DGKB: variants seen among roughly 807,000 people sequenced by gnomAD.
The protein encoded by DGKB is diacylglycerol kinase beta.
In DGKB, 67 loss-of-function variants were observed where a neutral mutation model predicts 114.3. The ratio of observed to expected loss-of-function variants is 0.59; its 90% CI spans 0.48 to 0.72. The LOEUF is 0.72. DGKB is among the 30% of genes least tolerant of loss of function. The probability of loss-of-function intolerance (pLI) is 0.00; values close to 1 mark genes in which losing one functional copy is unlikely to be tolerated. For missense variants in DGKB, 907 were observed against 975.2 expected (o/e 0.93, Z 0.93); for synonymous variants, 398 against 323.1 (o/e 1.23, Z -2.49).
At chr7:14,896,305 T>C (rs75373445) in intron 1 of DGKB, among the ~76,000 whole-genome samples, 3 of 151,766 alleles carry the variant, frequency 2.0e-5, no homozygotes, top group African/African-American at 7.2e-5. Flanking sequence ...TGAGGATTAA[T>C]TGCATGCCAG....
chr7:14,957,517 G>T (rs939738874), intron 1 of DGKB, among the ~76,000 whole-genome samples: 1 of 151,974 alleles, frequency 6.6e-6, no homozygotes, highest in African/African-American at 2.4e-5. Flanking sequence ...ACAGAAGTGT[G>T]CCACAATCAG....
chr7:14,681,063 C>G (rs1170508115), intron 12 of DGKB, among the ~76,000 whole-genome samples: 1 of 151,446 alleles, frequency 6.6e-6, no homozygotes, highest in Non-Finnish European at 1.5e-5. Flanking sequence ...AGAGGAAGCT[C>G]CCTGCAAGGT....
chr7:14,804,324 G>C (rs542492349), intron 2 of DGKB, among the ~76,000 whole-genome samples: 3 of 151,274 alleles, frequency 2.0e-5, no homozygotes, highest in African/African-American at 7.3e-5. Flanking sequence ...TTCTCTAGTC[G>C]GTTTTAAGAT....
At chr7:14,926,859 T>C (rs1484607342) in intron 1 of DGKB, among the ~76,000 whole-genome samples, 1 of 152,002 alleles carries the variant, frequency 6.6e-6, no homozygotes, top group Non-Finnish European at 1.5e-5. Context: ...AAATTTACCA[T>C]GGAAATCCTT....
chr7:14,398,542 G>A lies in DGKB; in HGVS notation c.1836-53151C>T, dbSNP rs191681875. On this transcript the variant is annotated intron_variant, in intron 21 of 25. Transcript: ENST00000402815. ...CTTTTATAAAAAAGAAAACTTACTG[G>A]GATGTGTGAAGGCAAAATCTTGGAC... 9.9e-3 allele frequency among the ~76,000 whole-genome samples: 1,509 copies of A among 152,022 alleles called. 12 individuals are homozygous for A. Among genetic ancestry groups the A allele is most frequent in the Non-Finnish European group, 0.013 (906 of 67,914 alleles).
At chr7:14,431,530 A>T (rs1828446233) in intron 21 of DGKB, among the ~76,000 whole-genome samples, 1 of 152,164 alleles carries the variant, frequency 6.6e-6, no homozygotes, top group South Asian at 2.1e-4. Context: ...CCAAAGAAAC[A>T]ATTTAGTAGC....
At chr7:14,217,935 A>C (rs2128318201) in intron 23 of DGKB, among the ~76,000 whole-genome samples, 1 of 152,248 alleles carries the variant, frequency 6.6e-6, no homozygotes, top group Non-Finnish European at 1.5e-5. Flanking sequence ...CTTTTGTAAT[A>C]ATAAATACCT....
chr7:14,302,511 GC>G (rs1347262625), intron 23 of DGKB, among the ~76,000 whole-genome samples: 1 of 151,964 alleles, frequency 6.6e-6, no homozygotes, highest in Non-Finnish European at 1.5e-5. Flanking sequence ...GAAACAGCCT[GC>G]CCCCGGCCCC....
chr7:14,230,882 C>A (rs552329271), intron 23 of DGKB, among the ~76,000 whole-genome samples: 1 of 151,944 alleles, frequency 6.6e-6, no homozygotes, highest in Non-Finnish European at 1.5e-5. Flanking sequence ...CCTCTCCTAC[C>A]GGATGAGATG....
At chr7:14,928,407 C>A (rs1192700600) in intron 1 of DGKB, among the ~76,000 whole-genome samples, 1 of 151,932 alleles carries the variant, frequency 6.6e-6, no homozygotes, top group Admixed American at 6.6e-5. Flanking sequence ...CTTGTTTCCT[C>A]TGTTCACTCA....
chr7:14,690,499 T>C (rs1822638345), intron 9 of DGKB, among the ~76,000 whole-genome samples: 1 of 152,278 alleles, frequency 6.6e-6, no homozygotes, highest in Admixed American at 6.5e-5. Context: ...TTCTGTTTTT[T>C]AATCTGAGAA....
chr7:14,297,040 G>A (rs893461773), intron 23 of DGKB, among the ~76,000 whole-genome samples: 1 of 152,076 alleles, frequency 6.6e-6, no homozygotes, highest in Non-Finnish European at 1.5e-5. Context: ...TCAATAACAA[G>A]TTCTGAAATT....
At chr7:14,675,592 T>C (rs750967487) in intron 12 of DGKB, among the ~76,000 whole-genome samples, 20 of 151,632 alleles carry the variant, frequency 1.3e-4, no homozygotes, top group Non-Finnish European at 2.5e-4. Context: ...GAAATTCTGG[T>C]CTTTGCAGAG....
At chr7:14,672,584 T>A (rs1194394479) in intron 13 of DGKB, among the ~76,000 whole-genome samples, 1 of 152,012 alleles carries the variant, frequency 6.6e-6, no homozygotes, top group East Asian at 1.9e-4. Context: ...TCCAGCAAAA[T>A]TGCCCATAAG....
chr7:14,577,377 G>A (rs535597443), intron 19 of DGKB, among the ~76,000 whole-genome samples: 1 of 152,272 alleles, frequency 6.6e-6, no homozygotes, highest in Non-Finnish European at 1.5e-5. Context: ...CAGCACTTTG[G>A]GAGGTCAAGG....
intron 22 of DGKB, among the ~76,000 whole-genome samples, chr7:14,344,704 A>AGGG (rs1426616111): frequency 7.2e-6 from 1 of 138,594 alleles, no homozygotes. Context: ...TGAGTCCTAC[A>AGGG]GTGTCTTTTT....
At position 14,781,798 on chromosome 7, in the gene DGKB, T is replaced by C. The variant is rs1367317613; in HGVS notation, c.71-24067A>G. Among the ~76,000 whole-genome samples, 5 of 152,202 alleles carry C rather than the reference T, an allele frequency of 3.3e-5. No individual in the cohort carries two copies. The East Asian group carries it at 7.7e-4, about 23-fold the overall frequency. On this transcript the variant is annotated intron_variant, in intron 2 of 25. Transcript: ENST00000402815. ...CTCATTACTGTACCCTAAGATAATA[T>C]ATTTCACAAGTTTATATCCTTACAA...
chr7:14,432,197 G>A (rs909654215), intron 21 of DGKB, among the ~76,000 whole-genome samples: 2 of 152,158 alleles, frequency 1.3e-5, no homozygotes, highest in African/African-American at 4.8e-5. Context: ...AGTTGCTACT[G>A]TCAAATCAGA....
In DGKB at chr7:14,637,990, A is replaced by G. The variant is rs183958941; in HGVS notation, c.1135-7722T>C. On this transcript the variant is annotated intron_variant, in intron 13 of 25. Coordinates refer to ENST00000402815, the MANE Select transcript of DGKB (RefSeq NM_001350709.2). ...CATCAATTTTCATTTTCTGAACACAAAGAAGAATGATTATTTATTATATTT... is the reference window on the plus strand; with the variant it reads ...CATCAATTTTCATTTTCTGAACACAGAGAAGAATGATTATTTATTATATTT... Among the ~76,000 whole-genome samples the G allele has an allele frequency of 3.8e-3, 578 of 152,188 alleles. 13 individuals are homozygous for G. Among genetic ancestry groups the G allele is most frequent in the Admixed American group, 0.03 (455 of 15,288 alleles).
Sources: allele counts gnomAD v4.1 joint callset (sites outside exome capture counted in the v4.1 genomes callset), GRCh38; gene constraint gnomAD v4.1.1; transcripts MANE v1.5; gene names NCBI Gene and HGNC (gene_info 2026-07-23, HGNC 2026-07-21).